Variants in EIF1AX observed in about 807,000 individuals in gnomAD.
EIF1AX encodes the protein eukaryotic translation initiation factor 1A X-linked, also known as eukaryotic translation initiation factor 1A, X-chromosomal.
A neutral mutation model predicts 16.1 loss-of-function variants in EIF1AX; 1 was observed. The observed-to-expected ratio is 0.06, with a 90% CI of 0.02 to 0.30. The LOEUF (loss-of-function observed/expected upper bound fraction) is 0.30. Ranked by LOEUF, EIF1AX falls within the 10% of genes least tolerant of loss-of-function variation. The pLI is 1.00. For synonymous variants in EIF1AX, 32 were observed against 37.3 expected (o/e 0.86, Z 0.51); for missense variants, 11 against 109.1 (o/e 0.10, Z 4.00).
chrX:20,134,495 T>C (rs1330826804), intron 3 of EIF1AX, among the ~76,000 whole-genome samples: 1 of 112,150 alleles, frequency 8.9e-6, no homozygotes, highest in African/African-American at 3.2e-5. Context: ...CCCAGCACTT[T>C]GGGAGGCCGA....
chrX:20,130,488 T>C (rs2066998228), intron 6 of EIF1AX, 28 bp downstream of exon 6: 1 of 1,155,387 alleles, frequency 8.7e-7, no homozygotes, highest in African/African-American at 1.8e-5. Flanking sequence ...ATAACAAAAA[T>C]TGGAAAACAC....
intron 2 of EIF1AX, among the ~76,000 whole-genome samples, chrX:20,137,506 G>T (rs1418225707): frequency 9.0e-6 from 1 of 111,184 alleles, no homozygotes. Flanking sequence ...ACAGATGAAG[G>T]ATTTAAGGGA....
At chrX:20,133,474 A>C (rs745878911) in intron 4 of EIF1AX, among the ~76,000 whole-genome samples, 10 of 110,213 alleles carry the variant, frequency 9.1e-5, no homozygotes, top group Non-Finnish European at 1.9e-4. Context: ...GTTGAGAAAC[A>C]ATGGCTTAAA....
At chrX:20,128,761 A>T (rs2066992515) in intron 6 of EIF1AX, among the ~76,000 whole-genome samples, 1 of 111,288 alleles carries the variant, frequency 9.0e-6, no homozygotes, top group Non-Finnish European at 1.9e-5. Context: ...TCCTTTAATA[A>T]TCACTCTTTA....
At chrX:20,138,457 G>T in intron 2 of EIF1AX, 82 bp downstream of exon 2, 2 of 810,126 alleles carry the variant, frequency 2.5e-6, no homozygotes, top group Non-Finnish European at 3.7e-6. Flanking sequence ...CGATGGGCAA[G>T]ACGCTGTCTC....
At chrX:20,140,344 C>T (rs1044911236) in intron 1 of EIF1AX, 6 of 111,918 alleles carry the variant, frequency 5.4e-5, no homozygotes, top group Non-Finnish European at 1.1e-4. Context: ...GAGCTTACAG[C>T]CTGGTGGAAG....
chrX:20,138,282 C>T (rs1469555425), intron 2 of EIF1AX, among the ~76,000 whole-genome samples: 1 of 109,713 alleles, frequency 9.1e-6, no homozygotes, highest in Non-Finnish European at 1.9e-5. Flanking sequence ...GGATTACAGA[C>T]GTGAGCCACT....
chrX:20,137,289 C>CA (rs1420601439), intron 2 of EIF1AX, among the ~76,000 whole-genome samples: 5 of 109,702 alleles, frequency 4.6e-5, no homozygotes, highest in South Asian at 3.9e-4. Context: ...ACTAAAAATA[C>CA]AAAAAAAATA....
At chrX:20,140,638 T>C (rs1055084385) in intron 1 of EIF1AX, among the ~76,000 whole-genome samples, 1 of 111,480 alleles carries the variant, frequency 9.0e-6, no homozygotes, top group Non-Finnish European at 1.9e-5. Context: ...AGAGCAGAAG[T>C]AGGCCTGTGT....
intron 5 of EIF1AX, among the ~76,000 whole-genome samples, chrX:20,130,887 G>A (rs59952398): frequency 0.36 from 39,970 of 110,270 alleles, 8,061 homozygotes; most frequent in African/African-American, 0.77. Context: ...TGGTAACAAC[G>A]TATTTCCTTA....
intron 2 of EIF1AX, among the ~76,000 whole-genome samples, chrX:20,138,224 C>T (rs761844316): frequency 1.3e-4 from 14 of 109,021 alleles, no homozygotes; most frequent in East Asian, 1.2e-3. Flanking sequence ...AGGCTGGTCT[C>T]GAACTCCTGA....
chrX:20,136,736 T>TA (rs1412438947), intron 2 of EIF1AX, among the ~76,000 whole-genome samples: 1 of 111,825 alleles, frequency 8.9e-6, no homozygotes, highest in Non-Finnish European at 1.9e-5. Context: ...AGCACCCATC[T>TA]ACCACCTCAA....
At chrX:20,133,351 A>C (rs1045737216) in intron 4 of EIF1AX, among the ~76,000 whole-genome samples, 1 of 110,546 alleles carries the variant, frequency 9.0e-6, no homozygotes, top group Non-Finnish European at 1.9e-5. Flanking sequence ...TCCTGTGCCC[A>C]CCCCAGCCTC....
chrX:20,141,093 G>A (rs1204022453), intron 1 of EIF1AX, among the ~76,000 whole-genome samples: 1 of 111,661 alleles, frequency 9.0e-6, no homozygotes, highest in African/African-American at 3.3e-5. Context: ...ATCTCTAGAG[G>A]TGAGCCTTAG....
chrX:20,138,086 C>T (rs1486446032), intron 2 of EIF1AX, among the ~76,000 whole-genome samples: 1 of 99,221 alleles, frequency 1.0e-5, no homozygotes, highest in East Asian at 3.1e-4. Context: ...CTCACTGCAA[C>T]CTCCGCCTCC....
intron 6 of EIF1AX, among the ~76,000 whole-genome samples, chrX:20,129,278 G>A (rs1395431097): frequency 2.7e-5 from 3 of 111,186 alleles, no homozygotes; most frequent in African/African-American, 9.8e-5. Flanking sequence ...CAAATTTAAC[G>A]TTATTATGTT....
intron 2 of EIF1AX, among the ~76,000 whole-genome samples, chrX:20,137,097 CAAGT>C (rs1034172604): frequency 9.0e-6 from 1 of 111,487 alleles, no homozygotes. Flanking sequence ...GATACATGAT[CAAGT>C]AAGGGAAAAG....
rs935504251 is a variant in EIF1AX, at chrX:20,124,902, C to A, written c.*3404G>T. 10 of 148,958 alleles carry A rather than the reference C, an allele frequency of 6.7e-5. No individual in the cohort carries two copies. Among genetic ancestry groups the A allele is most frequent in the African/African-American group, 2.8e-4 (9 of 32,438 alleles). The allele number at this position is 148,958 out of a possible 1,213,427, so 12.3% of individuals were successfully genotyped here. A position where few individuals can be genotyped will look rare whatever the true frequency, so the allele number is the denominator to read the frequency against. ...TCTATTGTACGAATCAAAGACTGCA[C>A]GCAAAAGAAATGGGAAATACAGAAT... is the stretch of plus-strand genomic sequence containing the variant. On this transcript the variant is annotated 3_prime_UTR_variant, in exon 7 of 7. Coordinates refer to ENST00000379607, the MANE Select transcript of EIF1AX (RefSeq NM_001412.4).
chrX:20,136,024 C>T (rs189669864), intron 2 of EIF1AX, 183 bp from the exon 3 acceptor site: 1 of 410,285 alleles, frequency 2.4e-6, no homozygotes, highest in African/African-American at 2.6e-5. Flanking sequence ...AGAGCTAGAA[C>T]TAAGACTCTA....
Sources: allele counts gnomAD v4.1 joint callset (sites outside exome capture counted in the v4.1 genomes callset), GRCh38; gene constraint gnomAD v4.1.1; transcripts MANE v1.5; gene names NCBI Gene and HGNC (gene_info 2026-07-23, HGNC 2026-07-21).